SUPT3H: variants seen among roughly 807,000 people sequenced by gnomAD.
The protein encoded by SUPT3H is SPT3 homolog, SAGA and STAGA complex component, also known as transcription initiation protein SPT3 homolog.
In SUPT3H, 44 loss-of-function variants were observed where a neutral mutation model predicts 44.3. The observed-to-expected ratio is 0.99, with a 90% CI of 0.78 to 1.28. The LOEUF (loss-of-function observed/expected upper bound fraction) is 1.28, where lower values mean the gene tolerates loss of function less well. SUPT3H is among the 50% of genes most tolerant of loss of function. The pLI, the probability that SUPT3H is intolerant of heterozygous loss-of-function variation, is 0.00. For missense variants in SUPT3H, 380 were observed against 387.1 expected, an observed-to-expected ratio of 0.98 and a Z score of 0.15; for synonymous variants, 124 against 125.6, an observed-to-expected ratio of 0.99 and a Z score of 0.09.
chr6:45,317,901 C>T (rs1029349673), intron 2 of SUPT3H, among the ~76,000 whole-genome samples: 1 of 152,112 alleles, frequency 6.6e-6, no homozygotes, highest in African/African-American at 2.4e-5. Flanking sequence ...AGTAAAGAAA[C>T]AAGCATACAG....
chr6:45,321,827 TG>T (rs1312742259), intron 2 of SUPT3H: 2 of 1,606,470 alleles, frequency 1.2e-6, no homozygotes, highest in Non-Finnish European at 1.7e-6. Context: ...GGAAGGATAT[TG>T]TGATAACAAT....
chr6:45,265,793 T>C (rs1467983784), intron 2 of SUPT3H, among the ~76,000 whole-genome samples: 1 of 152,050 alleles, frequency 6.6e-6, no homozygotes, highest in Non-Finnish European at 1.5e-5. Flanking sequence ...CTGAATATAT[T>C]ATGCAAGCAA....
chr6:44,971,683 A>G (rs972923226), intron 6 of SUPT3H, among the ~76,000 whole-genome samples: 1 of 152,134 alleles, frequency 6.6e-6, no homozygotes, highest in Admixed American at 6.6e-5. Flanking sequence ...CAGCCAAACC[A>G]TATTAATTCC....
chr6:45,065,223 C>T (rs1473782808), intron 3 of SUPT3H, among the ~76,000 whole-genome samples: 23 of 150,328 alleles, frequency 1.5e-4, no homozygotes, highest in Non-Finnish European at 2.1e-4. Context: ...GGGTACATAA[C>T]GAAATGAAGG....
chr6:44,825,317 G>T (rs1005815789), downstream of SUPT3H, among the ~76,000 whole-genome samples: 1 of 152,156 alleles, frequency 6.6e-6, no homozygotes, highest in African/African-American at 2.4e-5. Flanking sequence ...TGGCATTAGA[G>T]GAGGAATGTT....
chr6:45,175,495 G>C (rs1481173561), intron 2 of SUPT3H, among the ~76,000 whole-genome samples: 1 of 152,152 alleles, frequency 6.6e-6, no homozygotes, highest in Non-Finnish European at 1.5e-5. Context: ...CTTCACACGT[G>C]GGGATTATGA....
At chr6:45,215,200 C>G (rs929656172) in intron 2 of SUPT3H, among the ~76,000 whole-genome samples, 1 of 152,080 alleles carries the variant, frequency 6.6e-6, no homozygotes, top group Non-Finnish European at 1.5e-5. Context: ...AATGTTATCC[C>G]TAATTAACAA....
At chr6:45,022,322 A>T (rs1265557833) in intron 3 of SUPT3H, among the ~76,000 whole-genome samples, 2 of 152,034 alleles carry the variant, frequency 1.3e-5, no homozygotes, top group Admixed American at 1.3e-4. Context: ...TATTCATAAC[A>T]TTCTCCAAAG....
intron 3 of SUPT3H, among the ~76,000 whole-genome samples, chr6:45,040,154 GT>G (rs890280258): frequency 6.6e-6 from 1 of 152,088 alleles, no homozygotes; most frequent in African/African-American, 2.4e-5. Context: ...CAACCCCAAG[GT>G]TGTGGCATGA....
chr6:44,831,207 G>A (rs950355808), intron 10 of SUPT3H, among the ~76,000 whole-genome samples: 1 of 152,180 alleles, frequency 6.6e-6, no homozygotes, highest in African/African-American at 2.4e-5. Context: ...CTGCTATGCA[G>A]TTCACTCCAG....
intron 2 of SUPT3H, among the ~76,000 whole-genome samples, chr6:45,249,639 C>A (rs11757752): frequency 1.8e-4 from 27 of 152,258 alleles, no homozygotes; most frequent in Non-Finnish European, 3.2e-4. Flanking sequence ...GTGGCACTGA[C>A]AACCAAAACA....
At chr6:45,313,995 A>G (rs1283513224) in intron 2 of SUPT3H, among the ~76,000 whole-genome samples, 1 of 152,230 alleles carries the variant, frequency 6.6e-6, no homozygotes, top group Non-Finnish European at 1.5e-5. Context: ...AACATATGCA[A>G]GTCAATAAAT....
At chr6:44,889,561 G>A (rs1471034505) in intron 10 of SUPT3H, among the ~76,000 whole-genome samples, 1 of 152,198 alleles carries the variant, frequency 6.6e-6, no homozygotes, top group African/African-American at 2.4e-5. Context: ...CTAGCCACAT[G>A]TAGAAAGCTG....
At chr6:45,243,245 C>T (rs1019819758) in intron 2 of SUPT3H, among the ~76,000 whole-genome samples, 1 of 135,004 alleles carries the variant, frequency 7.4e-6, no homozygotes, top group African/African-American at 2.9e-5. Context: ...TATACAAGCT[C>T]AAGAATTTAA....
At chr6:45,296,990 TAC>T (rs1781391138) in intron 2 of SUPT3H, among the ~76,000 whole-genome samples, 1 of 145,328 alleles carries the variant, frequency 6.9e-6, no homozygotes, top group African/African-American at 2.5e-5. Context: ...AGGTGATGAG[TAC>T]ACCAAAATCT....
intron 2 of SUPT3H, among the ~76,000 whole-genome samples, chr6:45,291,139 C>A (rs1036989593): frequency 3.9e-5 from 6 of 152,168 alleles, no homozygotes; most frequent in African/African-American, 1.2e-4. Context: ...TGCAGACAAC[C>A]TGCAATACCA....
intron 10 of SUPT3H, among the ~76,000 whole-genome samples, chr6:44,927,497 C>T (rs1769692475): frequency 6.6e-6 from 1 of 152,054 alleles, no homozygotes; most frequent in African/African-American, 2.4e-5. Context: ...ATAACTTATG[C>T]AAATATGTAA....
At chr6:45,243,197 C>CTAA (rs1770699655) in intron 2 of SUPT3H, among the ~76,000 whole-genome samples, 1 of 72,564 alleles carries the variant, frequency 1.4e-5, no homozygotes, top group Non-Finnish European at 2.2e-5. Context: ...GACTCCTTCT[C>CTAA]AAAAAAAAAA....
chr6:44,882,139 A>G (rs959261248), intron 10 of SUPT3H, among the ~76,000 whole-genome samples: 1 of 152,168 alleles, frequency 6.6e-6, no homozygotes, highest in African/African-American at 2.4e-5. Flanking sequence ...GACTGCTAGC[A>G]AGACTAATAA....
Sources: allele counts gnomAD v4.1 joint callset (sites outside exome capture counted in the v4.1 genomes callset), GRCh38; gene constraint gnomAD v4.1.1; transcripts MANE v1.5; gene names NCBI Gene and HGNC (gene_info 2026-07-23, HGNC 2026-07-21).